Variants in LMO7 observed in about 807,000 individuals in gnomAD.
LMO7 encodes the protein LIM domain only protein 7.
In LMO7, 120 loss-of-function variants were observed where a neutral mutation model predicts 206.5. The ratio of observed to expected loss-of-function variants is 0.58; its 90% CI spans 0.50 to 0.68. The LOEUF is 0.68. Ranked by LOEUF, LMO7 falls within the 30% of genes least tolerant of loss-of-function variation. The pLI is 0.00. For missense variants in LMO7, 1,959 were observed against 1,957.9 expected (o/e 1.00, Z -0.01); for synonymous variants, 706 against 681.5 (o/e 1.04, Z -0.56).
At chr13:75,818,665 T>G (rs1458092722) in intron 12 of LMO7, among the ~76,000 whole-genome samples, 1 of 152,152 alleles carries the variant, frequency 6.6e-6, no homozygotes, top group Non-Finnish European at 1.5e-5. Context: ...TGTTCCTTAT[T>G]GCGCTGACCT....
intron 11 of LMO7, among the ~76,000 whole-genome samples, chr13:75,813,576 A>AG (rs2056669366): frequency 6.6e-6 from 1 of 152,092 alleles, no homozygotes. Flanking sequence ...TTTGTACCCT[A>AG]GGGAGTGAAC....
chr13:75,737,613 C>T (rs1241300697), intron 3 of LMO7, among the ~76,000 whole-genome samples: 4 of 146,198 alleles, frequency 2.7e-5, no homozygotes, highest in Admixed American at 6.7e-5. Flanking sequence ...ATTAGCCGGG[C>T]GTGGTAGCGG....
At chr13:75,842,054 C>A (rs1036585901) in intron 24 of LMO7, 71 bp downstream of exon 24, 16 of 1,157,208 alleles carry the variant, frequency 1.4e-5, no homozygotes, top group Non-Finnish European at 1.9e-5. Flanking sequence ...CACCCGCTTG[C>A]TCTTCCTGTT....
At chr13:75,780,519 A>T (rs182094921) in intron 4 of LMO7, among the ~76,000 whole-genome samples, 19 of 152,264 alleles carry the variant, frequency 1.2e-4, no homozygotes, top group African/African-American at 4.3e-4. Context: ...CTGTTATCCT[A>T]TTCCTTTTCT....
chr13:75,837,395 A>G (rs2059214268), intron 19 of LMO7, among the ~76,000 whole-genome samples: 1 of 152,220 alleles, frequency 6.6e-6, no homozygotes, highest in African/African-American at 2.4e-5. Context: ...AGGTGATCAG[A>G]CATCTAGCTC....
In LMO7 at chr13:75,850,503, G is replaced by A. The variant is rs550199391; in HGVS notation, c.4364+1211G>A. Among the ~76,000 whole-genome samples, 13 of 152,294 alleles carry A rather than the reference G, an allele frequency of 8.5e-5. No individual in the cohort carries two copies. In the South Asian group the frequency reaches 2.7e-3, roughly 32 times the overall value. On this transcript the variant is annotated intron_variant, in intron 27 of 30. Coordinates refer to ENST00000377534, the MANE Select transcript of LMO7 (RefSeq NM_001306080.2). Reference sequence around the variant, plus strand: ...AGAAAATCACAATGTCTGCTAGTAAGGAGATACTCAGTAGTTATTCAATAA... The same window carrying A: ...AGAAAATCACAATGTCTGCTAGTAAAGAGATACTCAGTAGTTATTCAATAA...
chr13:75,778,441 C>T (rs1395802161), intron 4 of LMO7, among the ~76,000 whole-genome samples: 1 of 152,098 alleles, frequency 6.6e-6, no homozygotes, highest in Admixed American at 6.5e-5. Flanking sequence ...ACCATGTTAG[C>T]CAGGATGGTC....
intron 28 of LMO7, 28 bp from the exon 29 acceptor site, chr13:75,855,232 C>A (rs989057128): frequency 7.1e-7 from 1 of 1,417,408 alleles, no homozygotes; most frequent in Non-Finnish European, 1.0e-6. Context: ...AGGTGAAAGC[C>A]TCCATTCCAT....
chr13:75,669,231 A>G (rs17653458), intron 1 of LMO7, among the ~76,000 whole-genome samples: 3,804 of 152,100 alleles, frequency 0.025, 83 homozygotes, highest in Non-Finnish European at 0.034. Flanking sequence ...GAGTTTCTGA[A>G]CCCTCTGCAT....
Position 75,819,417 on chromosome 13 carries a change from C to G in LMO7, c.2089C>G (p.Arg697Gly), listed in dbSNP as rs768714453. 1 of 1,604,986 alleles carries G rather than the reference C, an allele frequency of 6.2e-7. No individual in the cohort carries two copies. The highest frequency in any genetic ancestry group is 8.5e-7 in the Non-Finnish European group (1 of 1,177,408). The change falls in exon 13 of 31, where the codon CGA becomes GGA. Residue 697 changes from arginine (R) to glycine (G), a missense_variant. Transcript: ENST00000377534. ...QDDLAKWKDR[R>G]KSYTSDLQKK... ...GGACCTTGCAAAATGGAAAGATCGT[C>G]GAAAAAGTTACACTTCAGATCTGCA...
At chr13:75,795,994 A>G (rs572215417) in intron 5 of LMO7, among the ~76,000 whole-genome samples, 2 of 152,150 alleles carry the variant, frequency 1.3e-5, no homozygotes, top group Non-Finnish European at 2.9e-5. Flanking sequence ...TTAAAAACAT[A>G]TTGTTAGAGT....
At chr13:75,845,263 C>A in intron 25 of LMO7, 64 bp from the exon 26 acceptor site, 1 of 785,612 alleles carries the variant, frequency 1.3e-6, no homozygotes, top group South Asian at 2.0e-5. Flanking sequence ...GGTGTTTTTA[C>A]TTCATAAATA....
At chr13:75,685,622 C>G (rs1317857326) in intron 1 of LMO7, among the ~76,000 whole-genome samples, 2 of 151,980 alleles carry the variant, frequency 1.3e-5, no homozygotes, top group African/African-American at 4.8e-5. Context: ...AAATGGCTGC[C>G]AAAGAACGTG....
chr13:75,680,345 G>T (rs2040370491), intron 1 of LMO7, among the ~76,000 whole-genome samples: 1 of 152,200 alleles, frequency 6.6e-6, no homozygotes, highest in Non-Finnish European at 1.5e-5. Flanking sequence ...TGTAAACAGT[G>T]CTGCAGTGAA....
At chr13:75,737,275 G>A (rs1456238410) in intron 3 of LMO7, among the ~76,000 whole-genome samples, 1 of 152,076 alleles carries the variant, frequency 6.6e-6, no homozygotes, top group Non-Finnish European at 1.5e-5. Flanking sequence ...GCAAATCATA[G>A]ATTTCATAGG....
rs200921728 is a variant in LMO7 at position 75,713,298 on chromosome 13, G to A, written c.140+46G>A. ...AAAAATAATTCAAAAGCAAAGATAT[G>A]TGTGTGTGTGAGTGATGAGGTGTTT... On this transcript the variant is annotated intron_variant, in intron 2 of 30. Transcript: ENST00000377534. The A allele has an allele frequency of 3.4e-5, 18 of 527,170 alleles. No homozygotes were observed. The South Asian group carries it at 4.4e-4, about 13-fold the overall frequency. The allele number at this position is 527,170 out of a possible 1,614,324, so 32.7% of individuals were successfully genotyped here. A position where few individuals can be genotyped will look rare whatever the true frequency, so the allele number is the denominator to read the frequency against.
intron 23 of LMO7, 35 bp from the exon 24 acceptor site, chr13:75,841,593 A>G: frequency 7.1e-7 from 1 of 1,417,088 alleles, no homozygotes; most frequent in Non-Finnish European, 9.7e-7. Flanking sequence ...AAATAAACAG[A>G]TTTAGATGGA....
chr13:75,756,144 G>A lies in LMO7; in HGVS notation c.211-4788G>A, dbSNP rs191813189. ...CAAGACGGTACCTTGCAGATCTGTC[G>A]AGTCAAGCAATAGGGCTTCTAAGCA... On this transcript the variant is annotated intron_variant, in intron 3 of 30. Transcript: ENST00000377534. Among the ~76,000 whole-genome samples the A allele has an allele frequency of 1.0e-3, 159 of 152,212 alleles. 1 individual carries two copies. The highest frequency in any genetic ancestry group is 1.3e-3 in the Non-Finnish European group (91 of 68,000).
intron 1 of LMO7, among the ~76,000 whole-genome samples, chr13:75,637,299 A>G (rs2036028155): frequency 6.6e-6 from 1 of 152,116 alleles, no homozygotes; most frequent in South Asian, 2.1e-4. Flanking sequence ...GGGCCGGGGC[A>G]TGTGCTTTTT....
Sources: allele counts gnomAD v4.1 joint callset (sites outside exome capture counted in the v4.1 genomes callset), GRCh38; gene constraint gnomAD v4.1.1; transcripts MANE v1.5; gene names NCBI Gene and HGNC (gene_info 2026-07-23, HGNC 2026-07-21).